Variants in IL1RAPL2 observed in about 807,000 individuals in gnomAD.
IL1RAPL2 encodes the protein interleukin 1 receptor accessory protein like 2.
In IL1RAPL2, 3 loss-of-function variants were observed where a neutral mutation model predicts 44.1. The ratio of observed to expected loss-of-function variants is 0.07; its 90% CI spans 0.03 to 0.18. The LOEUF (loss-of-function observed/expected upper bound fraction) is 0.18. Among genes scored for constraint, IL1RAPL2 ranks in the 10% least tolerant of loss-of-function variants. The probability of loss-of-function intolerance (pLI) is 1.00; values close to 1 mark genes in which losing one functional copy is unlikely to be tolerated. For synonymous variants in IL1RAPL2, 181 were observed against 178.8 expected (o/e 1.01, Z -0.10); for missense variants, 391 against 496.4 (o/e 0.79, Z 2.02).
chrX:105,172,650 CTT>C (rs1159642532), intron 2 of IL1RAPL2, among the ~76,000 whole-genome samples: 1 of 111,892 alleles, frequency 8.9e-6, no homozygotes, highest in Non-Finnish European at 1.9e-5. Context: ...ACTTCCCTCT[CTT>C]CTGCAACTCG....
intron 6 of IL1RAPL2, among the ~76,000 whole-genome samples, chrX:105,499,000 A>G (rs759479720): frequency 9.0e-6 from 1 of 110,792 alleles, no homozygotes; most frequent in Admixed American, 9.6e-5. Flanking sequence ...CATGTGAGGG[A>G]TCTAGGCTGC....
At chrX:104,855,381 G>C (rs993924267) in intron 2 of IL1RAPL2, among the ~76,000 whole-genome samples, 1 of 111,129 alleles carries the variant, frequency 9.0e-6, no homozygotes, top group Non-Finnish European at 1.9e-5. Flanking sequence ...GAAGGAATGG[G>C]GTAAGGGAAT....
At chrX:104,952,465 A>G (rs1925609323) in intron 2 of IL1RAPL2, among the ~76,000 whole-genome samples, 1 of 112,166 alleles carries the variant, frequency 8.9e-6, no homozygotes, top group African/African-American at 3.2e-5. Flanking sequence ...ATGAATCACA[A>G]GAACACAACA....
At chrX:105,113,019 A>G (rs2032817456) in intron 2 of IL1RAPL2, among the ~76,000 whole-genome samples, 1 of 112,711 alleles carries the variant, frequency 8.9e-6, no homozygotes, top group African/African-American at 3.2e-5. Flanking sequence ...CAGTCTGTAC[A>G]GATCTCACCT....
intron 2 of IL1RAPL2, among the ~76,000 whole-genome samples, chrX:105,004,301 T>C (rs2030903179): frequency 9.0e-6 from 1 of 110,904 alleles, no homozygotes; most frequent in African/African-American, 3.3e-5. Context: ...TAAAATGCTT[T>C]GACAGGAAGA....
chrX:104,770,405 G>T (rs1932622511), intron 2 of IL1RAPL2, among the ~76,000 whole-genome samples: 1 of 111,415 alleles, frequency 9.0e-6, no homozygotes, highest in Admixed American at 9.6e-5. Flanking sequence ...TCCCCAGGAA[G>T]CTTGATGTAA....
At chrX:105,371,634 G>C (rs1276498603) in intron 5 of IL1RAPL2, among the ~76,000 whole-genome samples, 1 of 111,481 alleles carries the variant, frequency 9.0e-6, no homozygotes, top group East Asian at 2.8e-4. Context: ...GATATGTTTA[G>C]AATATTTTTA....
Position 105,349,948 on chromosome X carries a change from G to T in IL1RAPL2, c.697+82407G>T, listed in dbSNP as rs1442167696. On this transcript the variant is annotated intron_variant, in intron 5 of 10. Transcript: ENST00000372582. ...AATGAACTTTCTAAGGTAAATCAGG[G>T]CTTTGGCTAAAAAAAGCCAAACATT... Among the ~76,000 whole-genome samples, 3 of 111,851 alleles carry T rather than the reference G, an allele frequency of 2.7e-5. No homozygotes were observed. In the East Asian group the frequency reaches 8.4e-4, roughly 31 times the overall value.
At chrX:105,122,234 C>A (rs1248378350) in intron 2 of IL1RAPL2, among the ~76,000 whole-genome samples, 1 of 111,459 alleles carries the variant, frequency 9.0e-6, no homozygotes, top group Non-Finnish European at 1.9e-5. Flanking sequence ...TAGAAGATTA[C>A]ATTTTTGTTT....
At chrX:105,415,794 A>G (rs967530284) in intron 5 of IL1RAPL2, among the ~76,000 whole-genome samples, 16 of 111,444 alleles carry the variant, frequency 1.4e-4, no homozygotes, top group Non-Finnish European at 1.9e-4. Flanking sequence ...AATGTTATAA[A>G]AGAACAAAAT....
intron 2 of IL1RAPL2, among the ~76,000 whole-genome samples, chrX:104,821,367 G>A (rs1921298566): frequency 1.8e-5 from 2 of 110,711 alleles, no homozygotes; most frequent in African/African-American, 3.3e-5. Context: ...TCTACGTTAG[G>A]TATTTCTCCT....
At chrX:104,683,444 A>G (rs1400051080) in intron 2 of IL1RAPL2, among the ~76,000 whole-genome samples, 1 of 112,127 alleles carries the variant, frequency 8.9e-6, no homozygotes, top group Admixed American at 9.5e-5. Flanking sequence ...TTCTGGGGCT[A>G]ATACAGAGGT....
intron 6 of IL1RAPL2, among the ~76,000 whole-genome samples, chrX:105,541,523 A>C (rs887853740): frequency 9.0e-6 from 1 of 111,575 alleles, no homozygotes; most frequent in African/African-American, 3.3e-5. Flanking sequence ...AAATCTGGAC[A>C]AAGTAGTTGG....
chrX:105,149,290 A>G (rs182379298), intron 2 of IL1RAPL2, among the ~76,000 whole-genome samples: 119 of 112,053 alleles, frequency 1.1e-3, no homozygotes, highest in Non-Finnish European at 1.9e-3. Context: ...GAGTAACATA[A>G]TAAAAGCCCT....
intron 5 of IL1RAPL2, among the ~76,000 whole-genome samples, chrX:105,370,277 C>G (rs1200908874): frequency 9.0e-6 from 1 of 111,462 alleles, no homozygotes; most frequent in African/African-American, 3.3e-5. Context: ...GTTACATAGG[C>G]AAATTGCATA....
At chrX:104,821,280 T>C (rs757060540) in intron 2 of IL1RAPL2, among the ~76,000 whole-genome samples, 7 of 111,042 alleles carry the variant, frequency 6.3e-5, no homozygotes, top group Non-Finnish European at 5.7e-5. Flanking sequence ...AGTTCCGCGA[T>C]ACATGCGCAG....
chrX:104,901,265 C>T (rs1923809860), intron 2 of IL1RAPL2, among the ~76,000 whole-genome samples: 1 of 80,963 alleles, frequency 1.2e-5, no homozygotes, highest in Non-Finnish European at 2.2e-5. Flanking sequence ...GGCTGGAGTG[C>T]AGTGGTGTGA....
intron 6 of IL1RAPL2, among the ~76,000 whole-genome samples, chrX:105,558,075 T>A (rs2036908613): frequency 9.0e-6 from 1 of 111,207 alleles, no homozygotes; most frequent in Non-Finnish European, 1.9e-5. Context: ...ATAGCCCAAG[T>A]ATACTTGGGT....
chrX:104,648,009 C>G, intron 1 of IL1RAPL2: 1 of 689,054 alleles, frequency 1.5e-6, no homozygotes, highest in Admixed American at 2.5e-5. Flanking sequence ...ATGTTTTCTT[C>G]TGCTGGACCC....
Sources: gnomAD v4.1 joint callset for allele counts (sites outside exome capture counted in the v4.1 genomes callset) on GRCh38, gnomAD v4.1.1 for gene constraint, MANE v1.5 for transcripts, NCBI Gene and HGNC (gene_info 2026-07-23, HGNC 2026-07-21) for gene names.